GRTP1: variants seen among roughly 807,000 people sequenced by gnomAD.
The protein encoded by GRTP1 is growth hormone-regulated TBC protein 1.
GRTP1 carries 56 observed loss-of-function variants against 38.1 expected under a neutral mutation model. The ratio of observed to expected loss-of-function variants is 1.47; its 90% CI spans 1.19 to 1.84. The LOEUF is 1.84. GRTP1 is among the 40% of genes most tolerant of loss of function. The pLI is 0.00. For synonymous variants in GRTP1, 217 were observed against 189.5 expected (o/e 1.14, Z -1.19); for missense variants, 506 against 453.9 (o/e 1.11, Z -1.04).
intron 5 of GRTP1, among the ~76,000 whole-genome samples, chr13:113,332,473 T>G (rs2042891985): frequency 6.6e-6 from 1 of 151,674 alleles, no homozygotes; most frequent in South Asian, 2.1e-4. Context: ...TCCCCTGGAC[T>G]GTGTGAGGCA....
At chr13:113,337,974 G>A (rs7994646) in intron 5 of GRTP1, among the ~76,000 whole-genome samples, 148,903 of 152,326 alleles carry the variant, frequency 0.98, 72,864 homozygotes, top group East Asian at 1. Context: ...ATGTCGAGTT[G>A]TTAAAACCTG....
intron 3 of GRTP1, among the ~76,000 whole-genome samples, chr13:113,353,938 T>A (rs2043332488): frequency 6.6e-6 from 1 of 151,898 alleles, no homozygotes; most frequent in Non-Finnish European, 1.5e-5. Context: ...TGCACACCTG[T>A]GGTTCAGACC....
At chr13:113,334,280 A>ACTGGCTCCCGCC (rs1202504022) in intron 5 of GRTP1, among the ~76,000 whole-genome samples, 1 of 142,484 alleles carries the variant, frequency 7.0e-6, no homozygotes, top group African/African-American at 2.5e-5. Flanking sequence ...CACTGCCACG[A>ACTGGCTCCCGCC]CAGCCTCCCG....
intron 3 of GRTP1, among the ~76,000 whole-genome samples, chr13:113,352,404 C>T (rs186053797): frequency 6.9e-4 from 42 of 60,890 alleles, no homozygotes; most frequent in Non-Finnish European, 1.7e-3. Flanking sequence ...CACAGGGTCT[C>T]ACTCTGTCAC....
At chr13:113,363,732 T>TCGGGACCCACCTGCGCCCA in intron 2 of GRTP1, 30 bp downstream of exon 2, 1 of 1,544,976 alleles carries the variant, frequency 6.5e-7, no homozygotes, top group Non-Finnish European at 8.8e-7. Flanking sequence ...ACCTGCGCCC[T>TCGGGACCCACCTGCGCCCA]CGGGACCCAC....
chr13:113,362,886 G>A (rs1230792960), intron 2 of GRTP1, among the ~76,000 whole-genome samples: 1 of 152,072 alleles, frequency 6.6e-6, no homozygotes, highest in African/African-American at 2.4e-5. Context: ...TAGCTCCAGG[G>A]CACACTCCCA....
chr13:113,363,787 G>C lies in GRTP1; in HGVS notation c.156C>G (p.Gly52=), dbSNP rs779390423. 3.1e-6 allele frequency: 5 copies of C among 1,609,960 alleles called. No homozygotes were observed. The South Asian group carries it at 5.5e-5, about 18-fold the overall frequency. Residue 52 remains glycine, a synonymous_variant, in exon 2 of 8, where the codon GGC becomes GGG. Transcript: ENST00000375431. The part of the protein sequence containing the change: ...RAIKWSRLLQ[G]GGVPRSRTVK... Reference sequence around the variant, plus strand: ...CTGTCCGGCTCCTGGGGACGCCCCCGCCCTGCAGCAGCCGGGACCATTTGA... The same window carrying C: ...CTGTCCGGCTCCTGGGGACGCCCCCCCCCTGCAGCAGCCGGGACCATTTGA...
intron 4 of GRTP1, 80 bp from the exon 5 acceptor site, chr13:113,345,039 T>A: frequency 6.7e-7 from 1 of 1,481,762 alleles, no homozygotes; most frequent in Non-Finnish European, 8.9e-7. Flanking sequence ...GGCTACAAAC[T>A]ACCCAGTTTC....
intron 3 of GRTP1, among the ~76,000 whole-genome samples, chr13:113,354,606 G>A (rs1192400753): frequency 6.7e-6 from 1 of 150,078 alleles, no homozygotes; most frequent in Non-Finnish European, 1.5e-5. Context: ...CCAACTCACC[G>A]CAACCTCCAC....
At chr13:113,326,392 C>CGGGGGGGGGGGGGGGGGGGG (rs1189228789) in intron 5 of GRTP1, among the ~76,000 whole-genome samples, 1 of 4,164 alleles carries the variant, frequency 2.4e-4, no homozygotes, top group Non-Finnish European at 7.2e-4. Flanking sequence ...GGGGGGGGGG[C>CGGGGGGGGGGGGGGGGGGGG]GGGAGCGTGG....
intron 7 of GRTP1, 128 bp from the exon 8 acceptor site, chr13:113,324,705 T>G: frequency 6.9e-7 from 1 of 1,447,398 alleles, no homozygotes; most frequent in South Asian, 1.5e-5. Context: ...TCCAAGGGCT[T>G]CTGGGGTGAC....
intron 2 of GRTP1, among the ~76,000 whole-genome samples, chr13:113,362,199 G>A (rs1167366511): frequency 7.7e-6 from 1 of 130,144 alleles, no homozygotes; most frequent in African/African-American, 2.8e-5. Flanking sequence ...GTGTAGTGGT[G>A]TGCACCTGTA....
At chr13:113,345,641 G>A (rs2043091498) in intron 4 of GRTP1, among the ~76,000 whole-genome samples, 1 of 152,220 alleles carries the variant, frequency 6.6e-6, no homozygotes, top group African/African-American at 2.4e-5. Context: ...GCTTCTGCCA[G>A]CCCACAAGAT....
At chr13:113,358,705 A>G (rs1188529194) in intron 2 of GRTP1, among the ~76,000 whole-genome samples, 1 of 152,252 alleles carries the variant, frequency 6.6e-6, no homozygotes, top group Non-Finnish European at 1.5e-5. Context: ...AGGAAATTTA[A>G]TGCACACAGA....
intron 5 of GRTP1, among the ~76,000 whole-genome samples, chr13:113,327,025 A>G (rs1373605178): frequency 3.9e-5 from 6 of 152,346 alleles, no homozygotes; most frequent in African/African-American, 1.4e-4. Flanking sequence ...AAGATGGTAC[A>G]TTCTATGTTC....
chr13:113,346,063 G>C (rs369571608), intron 4 of GRTP1, among the ~76,000 whole-genome samples: 9 of 77,202 alleles, frequency 1.2e-4, no homozygotes, highest in East Asian at 4.5e-4. Context: ...GACCCGGGAG[G>C]ACCTCTGCGG....
chr13:113,363,762 C>A lies in GRTP1; in HGVS notation c.181G>T (p.Val61Leu), dbSNP rs533089927. 1.2e-6 allele frequency: 2 copies of A among 1,608,024 alleles called. No individual in the cohort carries two copies. The highest frequency in any genetic ancestry group is 8.5e-7 in the Non-Finnish European group (1 of 1,178,106). The change falls in exon 2 of 8, where the codon GTG (valine) becomes TTG (leucine). Residue 61 changes from valine to leucine, a missense_variant and splice_region_variant. Physicochemically the swap from Val to Leu is conservative, Grantham distance 32. Transcript: ENST00000375431. ...ACCCACCTGCGCCCCCGGGACCCAC[C>A]TGTCCGGCTCCTGGGGACGCCCCCG... ...QGGGVPRSRT[V>L]KRYVRKGVPL...
intron 3 of GRTP1, among the ~76,000 whole-genome samples, 183 bp from the exon 4 acceptor site, chr13:113,351,156 T>C (rs1416500334): frequency 6.6e-6 from 1 of 151,890 alleles, no homozygotes; most frequent in Non-Finnish European, 1.5e-5. Context: ...AAGGAGGGGG[T>C]GATCCTGAAC....
chr13:113,325,194 C>A, intron 7 of GRTP1: 1 of 1,094,646 alleles, frequency 9.1e-7, no homozygotes. Context: ...CCATGCTGCA[C>A]CCAGAGTGGC....
Sources: allele counts gnomAD v4.1 joint callset (sites outside exome capture counted in the v4.1 genomes callset), GRCh38; gene constraint gnomAD v4.1.1; transcripts MANE v1.5; gene names NCBI Gene and HGNC (gene_info 2026-07-23, HGNC 2026-07-21).